The following GRIA3 variants were observed in gnomAD, a reference collection of about 807,000 sequenced individuals.
GRIA3 encodes glutamate ionotropic receptor AMPA type subunit 3, also known as glutamate receptor 3.
GRIA3 carries 3 observed loss-of-function variants against 63.0 expected under a neutral mutation model. That is an observed-to-expected ratio of 0.05 (90% confidence interval 0.02 to 0.12). The LOEUF is 0.12. GRIA3 is among the 10% of genes least tolerant of loss of function. GRIA3 has a pLI of 1.00. For missense variants in GRIA3, 347 were observed against 700.9 expected, an observed-to-expected ratio of 0.50 and a Z score of 5.70; for synonymous variants, 274 against 257.9, an observed-to-expected ratio of 1.06 and a Z score of -0.60.
At chrX:123,355,412 T>C (rs111568272) in intron 5 of GRIA3, among the ~76,000 whole-genome samples, 59 of 112,132 alleles carry the variant, frequency 5.3e-4, no homozygotes, top group African/African-American at 1.8e-3. Flanking sequence ...GTACATTATA[T>C]GACCCTGCCA....
intron 2 of GRIA3, among the ~76,000 whole-genome samples, chrX:123,248,462 C>T (rs1476365820): frequency 8.9e-6 from 1 of 112,159 alleles, no homozygotes; most frequent in African/African-American, 3.2e-5. Context: ...CTTCCATCAC[C>T]ATTTTACCAG....
chrX:123,203,137 T>C, intron 2 of GRIA3, among the ~76,000 whole-genome samples: 1 of 112,028 alleles, frequency 8.9e-6, no homozygotes, highest in Middle Eastern at 4.6e-3. Context: ...CCTCAGTGAA[T>C]GAGTCCTGAA....
chrX:123,443,242 G>A (rs2045685859), intron 12 of GRIA3, among the ~76,000 whole-genome samples: 1 of 111,960 alleles, frequency 8.9e-6, no homozygotes, highest in South Asian at 3.7e-4. Flanking sequence ...AAATTAAACT[G>A]CAAAGAGAGA....
intron 2 of GRIA3, among the ~76,000 whole-genome samples, chrX:123,213,998 T>C (rs148824002): frequency 0.016 from 1,806 of 111,630 alleles, 36 homozygotes; most frequent in African/African-American, 0.055. Flanking sequence ...GCATTTCTCA[T>C]TGGAATCCCT....
chrX:123,204,654 T>G (rs759892935), intron 2 of GRIA3: 1 of 1,064,357 alleles, frequency 9.4e-7, no homozygotes, highest in Non-Finnish European at 1.2e-6. Flanking sequence ...CAAGAGAGGT[T>G]AATAAAGGAA....
chrX:123,457,062 T>C (rs1371813064), intron 12 of GRIA3, among the ~76,000 whole-genome samples: 2 of 111,906 alleles, frequency 1.8e-5, no homozygotes, highest in African/African-American at 6.5e-5. Flanking sequence ...TAGTCCACAA[T>C]AAACTTAGAG....
At chrX:123,314,222 C>T (rs1029668949) in intron 3 of GRIA3, among the ~76,000 whole-genome samples, 6 of 112,019 alleles carry the variant, frequency 5.4e-5, no homozygotes, top group African/African-American at 2.0e-4. Flanking sequence ...ATTAAGATGC[C>T]GAATGAGGAA....
chrX:123,318,870 G>A (rs1026773726), intron 3 of GRIA3, among the ~76,000 whole-genome samples: 2 of 111,646 alleles, frequency 1.8e-5, no homozygotes, highest in Non-Finnish European at 3.8e-5. Context: ...TCACACTGCT[G>A]ATAAAGACAT....
intron 5 of GRIA3, among the ~76,000 whole-genome samples, chrX:123,379,824 T>C (rs1358276645): frequency 5.0e-5 from 4 of 80,259 alleles, no homozygotes; most frequent in Non-Finnish European, 6.8e-5. Context: ...CCCCGGTGTG[T>C]GATGTTCCCC....
At chrX:123,190,282 T>G (rs961839399) in intron 2 of GRIA3, among the ~76,000 whole-genome samples, 3 of 110,951 alleles carry the variant, frequency 2.7e-5, no homozygotes, top group African/African-American at 9.9e-5. Context: ...CTGCTCTCCC[T>G]CTCTCCTCTG....
chrX:123,360,066 T>A (rs1195590555), intron 5 of GRIA3, among the ~76,000 whole-genome samples: 3 of 112,081 alleles, frequency 2.7e-5, no homozygotes, highest in African/African-American at 9.7e-5. Flanking sequence ...TTCTCAGAAC[T>A]TCTATGAGGA....
intron 12 of GRIA3, among the ~76,000 whole-genome samples, chrX:123,463,619 A>AGAAAG (rs2045810364): frequency 5.5e-5 from 1 of 18,314 alleles, no homozygotes; most frequent in African/African-American, 4.7e-4. Context: ...AGGGAAAGAA[A>AGAAAG]GAAAGAAAGA....
At chrX:123,440,569 A>T (rs2045668660) in intron 12 of GRIA3, among the ~76,000 whole-genome samples, 1 of 112,632 alleles carries the variant, frequency 8.9e-6, no homozygotes, top group Non-Finnish European at 1.9e-5. Context: ...TTTCTTTCAT[A>T]TGCTTGTTGG....
At chrX:123,443,400 A>G (rs888951490) in intron 12 of GRIA3, among the ~76,000 whole-genome samples, 1 of 111,839 alleles carries the variant, frequency 8.9e-6, no homozygotes, top group Non-Finnish European at 1.9e-5. Flanking sequence ...GATCTTTCAG[A>G]GAGCCCCCTG....
chrX:123,294,045 T>C (rs1231293343), intron 3 of GRIA3, among the ~76,000 whole-genome samples: 1 of 50,143 alleles, frequency 2.0e-5, no homozygotes, highest in Non-Finnish European at 3.7e-5. Flanking sequence ...CAACAAAGAG[T>C]CCTTGCTAAT....
intron 2 of GRIA3, among the ~76,000 whole-genome samples, chrX:123,237,863 C>T (rs767122885): frequency 9.3e-6 from 1 of 107,277 alleles, no homozygotes; most frequent in South Asian, 3.9e-4. Flanking sequence ...AAGTTAGGTA[C>T]TTTGGGAGAC....
chrX:123,362,103 A>G (rs2045179094), intron 5 of GRIA3, among the ~76,000 whole-genome samples: 1 of 112,037 alleles, frequency 8.9e-6, no homozygotes, highest in Non-Finnish European at 1.9e-5. Flanking sequence ...CATTTTGAGT[A>G]GCACTGCTCT....
At position 123,191,587 on chromosome X, in the gene GRIA3, G is replaced by A. The variant is rs757320482; in HGVS notation, c.268+5597G>A. 7.2e-5 allele frequency among the ~76,000 whole-genome samples: 8 copies of A among 110,903 alleles called. No individual in the cohort carries two copies. In the East Asian group the frequency reaches 2.0e-3, roughly 28 times the overall value. On this transcript the variant is annotated intron_variant, in intron 2 of 15. Coordinates refer to ENST00000620443, the MANE Select transcript of GRIA3 (RefSeq NM_007325.5). ...ATTATTTTCTTCTCTTGCTCTATCCGTCCAGCTCGTCTAACTCCCTTTTGC... is the reference window on the plus strand; with the variant it reads ...ATTATTTTCTTCTCTTGCTCTATCCATCCAGCTCGTCTAACTCCCTTTTGC...
chrX:123,473,559 A>G (rs1603176612), intron 13 of GRIA3, among the ~76,000 whole-genome samples: 1 of 111,577 alleles, frequency 9.0e-6, no homozygotes, highest in African/African-American at 3.3e-5. Context: ...ATTGGGAAAG[A>G]TGCTTTGCCA....
Sources: gnomAD v4.1 joint callset for allele counts (sites outside exome capture counted in the v4.1 genomes callset) on GRCh38, gnomAD v4.1.1 for gene constraint, MANE v1.5 for transcripts, NCBI Gene and HGNC (gene_info 2026-07-23, HGNC 2026-07-21) for gene names.